The following GRM5 variants were observed in gnomAD, a reference collection of about 807,000 sequenced individuals.
GRM5 encodes the protein metabotropic glutamate receptor 5.
Under a neutral mutation model 83.1 loss-of-function variants are expected in GRM5, and 19 were observed. The ratio of observed to expected loss-of-function variants is 0.23; its 90% CI spans 0.16 to 0.34. The LOEUF (loss-of-function observed/expected upper bound fraction) is 0.34, where lower values mean the gene tolerates loss of function less well. Ranked by LOEUF, GRM5 falls within the 10% of genes least tolerant of loss-of-function variation. The pLI, the probability that GRM5 is intolerant of heterozygous loss-of-function variation, is 1.00. For missense variants in GRM5, 1,160 were observed against 1,588.3 expected (o/e 0.73, Z 4.58); for synonymous variants, 675 against 633.6 (o/e 1.07, Z -0.98).
chr11:88,843,480 G>C (rs1944241596), intron 3 of GRM5, among the ~76,000 whole-genome samples: 1 of 152,134 alleles, frequency 6.6e-6, no homozygotes, highest in Admixed American at 6.5e-5. Context: ...AGACCGTAAT[G>C]AGGGTGGTAT....
At chr11:88,908,587 AAAG>A (rs1370067700) in intron 2 of GRM5, among the ~76,000 whole-genome samples, 1 of 152,150 alleles carries the variant, frequency 6.6e-6, no homozygotes, top group Non-Finnish European at 1.5e-5. Context: ...CCTGTTTTAA[AAAG>A]TAGTATGGCC....
At chr11:88,762,439 G>T (rs575985647) in intron 3 of GRM5, among the ~76,000 whole-genome samples, 39 of 152,022 alleles carry the variant, frequency 2.6e-4, no homozygotes, top group African/African-American at 9.2e-4. Context: ...AACATTCAGT[G>T]TCACTGATCA....
At chr11:88,804,819 A>G (rs1054237507) in intron 3 of GRM5, among the ~76,000 whole-genome samples, 2 of 152,172 alleles carry the variant, frequency 1.3e-5, no homozygotes, top group African/African-American at 4.8e-5. Context: ...GGAGATTCAG[A>G]AACATAGGAG....
chr11:89,055,204 T>A (rs1366307513), intron 1 of GRM5, among the ~76,000 whole-genome samples: 2 of 152,232 alleles, frequency 1.3e-5, no homozygotes, highest in Admixed American at 1.3e-4. Flanking sequence ...TGGAGTCCAA[T>A]GACCTGAATT....
intron 3 of GRM5, among the ~76,000 whole-genome samples, chr11:88,749,141 G>T (rs146706288): frequency 6.6e-6 from 1 of 152,064 alleles, no homozygotes; most frequent in Non-Finnish European, 1.5e-5. Context: ...GGGTAATAAC[G>T]AACTTCACTG....
intron 3 of GRM5, among the ~76,000 whole-genome samples, chr11:88,704,981 A>AT (rs1430885234): frequency 2.6e-5 from 4 of 151,844 alleles, no homozygotes; most frequent in Non-Finnish European, 5.9e-5. Flanking sequence ...TTCATCTCTT[A>AT]TTTTATCTCA....
Position 88,530,994 on chromosome 11 carries a change from G to A in GRM5, c.2631-5590C>T, listed in dbSNP as rs529380359. Among the ~76,000 whole-genome samples, 13 of 152,132 alleles carry A rather than the reference G, an allele frequency of 8.5e-5. No homozygotes were observed. The South Asian group carries it at 1.7e-3, about 19-fold the overall frequency. The stretch of plus-strand genomic sequence containing the variant: ...CTAAATTCACTCAGAATGATAGCCG[G>A]GCTTGGGATAGACAGAAGTTCTTTA... On this transcript the variant is annotated intron_variant, in intron 8 of 9. Coordinates refer to ENST00000305447, the MANE Select transcript of GRM5 (RefSeq NM_001143831.3).
At chr11:88,865,880 T>G (rs1437195980) in intron 2 of GRM5, among the ~76,000 whole-genome samples, 2 of 152,098 alleles carry the variant, frequency 1.3e-5, no homozygotes, top group Non-Finnish European at 2.9e-5. Flanking sequence ...CCAGTTAGAA[T>G]GGTGATCATT....
intron 2 of GRM5, among the ~76,000 whole-genome samples, chr11:88,935,613 AG>A (rs1255027546): frequency 6.6e-6 from 1 of 151,874 alleles, no homozygotes; most frequent in African/African-American, 2.4e-5. Flanking sequence ...GATGGTCAAA[AG>A]TCCCTCACTA....
chr11:88,991,851 C>A (rs1004123314), intron 2 of GRM5, among the ~76,000 whole-genome samples: 14 of 151,942 alleles, frequency 9.2e-5, no homozygotes, highest in African/African-American at 3.4e-4. Context: ...ACACCTTATA[C>A]AAAAATCAAT....
chr11:88,772,782 TC>T (rs1409763758), intron 3 of GRM5, among the ~76,000 whole-genome samples: 1 of 152,166 alleles, frequency 6.6e-6, no homozygotes, highest in Non-Finnish European at 1.5e-5. Flanking sequence ...CATGAACTCA[TC>T]CTTTTTTATG....
At chr11:88,516,195 A>G (rs1719443449) in intron 9 of GRM5, among the ~76,000 whole-genome samples, 1 of 152,188 alleles carries the variant, frequency 6.6e-6, no homozygotes, top group African/African-American at 2.4e-5. Context: ...AATGTTTGAT[A>G]TTGACAGGTA....
chr11:88,824,204 C>T (rs1943853683), intron 3 of GRM5, among the ~76,000 whole-genome samples: 1 of 152,126 alleles, frequency 6.6e-6, no homozygotes, highest in African/African-American at 2.4e-5. Context: ...AATTAAATGT[C>T]AGTGTTCAAT....
intron 4 of GRM5, among the ~76,000 whole-genome samples, chr11:88,617,335 ATAAG>A (rs1477755680): frequency 6.6e-6 from 1 of 152,180 alleles, no homozygotes; most frequent in African/African-American, 2.4e-5. Flanking sequence ...ACTCTGAAAA[ATAAG>A]TAGTAATAAG....
chr11:88,629,932 C>T (rs967052506), intron 4 of GRM5, among the ~76,000 whole-genome samples: 2 of 152,174 alleles, frequency 1.3e-5, no homozygotes, highest in Admixed American at 1.3e-4. Context: ...CTTCTGTGAC[C>T]TCTTTGACAT....
At chr11:88,763,632 A>G (rs1392362445) in intron 3 of GRM5, among the ~76,000 whole-genome samples, 1 of 151,858 alleles carries the variant, frequency 6.6e-6, no homozygotes, top group African/African-American at 2.4e-5. Flanking sequence ...TGTTAAAAGA[A>G]CAGAATCTCT....
Position 88,873,070 on chromosome 11 carries a change from T to TAA in GRM5, c.662-22916_662-22915insTT, listed in dbSNP as rs1406201538. Among the ~76,000 whole-genome samples, 4 of 151,758 alleles carry TAA rather than the reference T, an allele frequency of 2.6e-5. No individual in the cohort carries two copies. In the Middle Eastern group the frequency reaches 0.01, roughly 387 times the overall value. On this transcript the variant is annotated intron_variant, in intron 2 of 9. Coordinates refer to ENST00000305447, the MANE Select transcript of GRM5 (RefSeq NM_001143831.3). ...AAAATAAAGCAGGAGTAGCTATACT[T>TAA]ACATTAGGCAAAATAGAGCTTAAGC...
Position 88,715,202 on chromosome 11 carries a change from C to G in GRM5, c.912-61799G>C, listed in dbSNP as rs1941373672. 2.0e-5 allele frequency among the ~76,000 whole-genome samples: 3 copies of G among 151,876 alleles called. No individual in the cohort carries two copies. In the South Asian group the frequency reaches 6.2e-4, roughly 32 times the overall value. On this transcript the variant is annotated intron_variant, in intron 3 of 9. Transcript: ENST00000305447. ...CCTGTTACATACTATAATAGATGCT[C>G]AATTAGTATTTGTGAAAAAGAGTAA...
At chr11:88,700,871 G>C (rs1260310153) in intron 3 of GRM5, among the ~76,000 whole-genome samples, 1 of 152,144 alleles carries the variant, frequency 6.6e-6, no homozygotes, top group African/African-American at 2.4e-5. Context: ...TGCACGGATG[G>C]GGTGCCATTT....
Sources: gnomAD v4.1 joint callset for allele counts (sites outside exome capture counted in the v4.1 genomes callset) on GRCh38, gnomAD v4.1.1 for gene constraint, MANE v1.5 for transcripts, NCBI Gene and HGNC (gene_info 2026-07-23, HGNC 2026-07-21) for gene names.